CARMIL1: variants seen among roughly 807,000 people sequenced by gnomAD.
CARMIL1 encodes F-actin-uncapping protein LRRC16A.
A neutral mutation model predicts 177.1 loss-of-function variants in CARMIL1; 90 were observed. The observed-to-expected ratio is 0.51, with a 90% confidence interval of 0.43 to 0.61. The LOEUF is 0.61. Ranked by LOEUF, CARMIL1 falls within the 20% of genes least tolerant of loss-of-function variation. The probability of loss-of-function intolerance (pLI) is 0.00; values close to 1 mark genes in which losing one functional copy is unlikely to be tolerated. For synonymous variants in CARMIL1, 577 were observed against 606.2 expected, an observed-to-expected ratio of 0.95 and a Z score of 0.71; for missense variants, 1,380 against 1,667.0, an observed-to-expected ratio of 0.83 and a Z score of 3.00.
intron 24 of CARMIL1, among the ~76,000 whole-genome samples, chr6:25,535,125 A>C (rs952894384): frequency 2.6e-5 from 4 of 152,292 alleles, no homozygotes; most frequent in South Asian, 4.2e-4. Context: ...TACTTTCTAC[A>C]GTAAGGAAGA....
At chr6:25,371,008 C>A (rs761129633) in intron 2 of CARMIL1, among the ~76,000 whole-genome samples, 23 of 152,138 alleles carry the variant, frequency 1.5e-4, no homozygotes, top group Non-Finnish European at 3.1e-4. Flanking sequence ...TAAGTGAGAA[C>A]ATACGGTATT....
intron 2 of CARMIL1, among the ~76,000 whole-genome samples, chr6:25,310,748 G>A (rs539074122): frequency 4.7e-4 from 72 of 152,254 alleles, no homozygotes; most frequent in Middle Eastern, 3.4e-3. Context: ...TTAAAGTTCT[G>A]TGATTTCTAC....
chr6:25,403,914 GAGCT>G (rs1794113222), intron 2 of CARMIL1, among the ~76,000 whole-genome samples: 1 of 152,204 alleles, frequency 6.6e-6, no homozygotes, highest in African/African-American at 2.4e-5. Flanking sequence ...CTTGAAGGCA[GAGCT>G]TTATGTCTTT....
Position 25,509,981 on chromosome 6 carries a change from A to T in CARMIL1, c.1477+244A>T, listed in dbSNP as rs565329054. Among the ~76,000 whole-genome samples, 5 of 152,236 alleles carry T rather than the reference A, an allele frequency of 3.3e-5. No homozygotes were observed. The highest frequency in any genetic ancestry group is 7.4e-5 in the Non-Finnish European group (5 of 68,026). ...GTCTATGCAGTAAAACAACTCAGTT[A>T]TAAAAATATCACCAGTACATTGAAA... On this transcript the variant is annotated intron_variant, in intron 18 of 36. Transcript: ENST00000329474. This position sits in a 1 kb window ranked among gnomAD's most constrained non-coding sequence, Gnocchi z 4.1.
intron 2 of CARMIL1, among the ~76,000 whole-genome samples, chr6:25,403,764 T>G (rs977440892): frequency 6.6e-6 from 1 of 152,166 alleles, no homozygotes; most frequent in Non-Finnish European, 1.5e-5. Flanking sequence ...CCACCACTCC[T>G]CTCCATAACC....
Position 25,465,680 on chromosome 6 carries a change from C to A in CARMIL1, c.615-193C>A, listed in dbSNP as rs1357296469. 4 of 557,798 alleles carry A rather than the reference C, an allele frequency of 7.2e-6. No individual in the cohort carries two copies. In the East Asian group the frequency reaches 8.9e-5, roughly 12 times the overall value. 34.6% of individuals were successfully genotyped at this position (557,798 alleles called of 1,614,324 possible). On this transcript the variant is annotated intron_variant, in intron 8 of 36. Transcript: ENST00000329474. ...AAGTAGGAAACAGAGTCCCTAGAGA[C>A]AATTTACTTCAACTTTTGGGAACTT...
chr6:25,430,533 G>A (rs1027910633), intron 4 of CARMIL1, among the ~76,000 whole-genome samples: 1 of 151,350 alleles, frequency 6.6e-6, no homozygotes, highest in African/African-American at 2.4e-5. Context: ...GGGACCAAGC[G>A]ATCCTCTCAC....
At chr6:25,601,008 C>T (rs1193800680) in intron 33 of CARMIL1, among the ~76,000 whole-genome samples, 1 of 152,034 alleles carries the variant, frequency 6.6e-6, no homozygotes, top group African/African-American at 2.4e-5. Context: ...CCATTTTGTA[C>T]CTCTTTTCAT....
intron 21 of CARMIL1, among the ~76,000 whole-genome samples, chr6:25,517,099 A>G (rs1806075928): frequency 6.6e-6 from 1 of 152,230 alleles, no homozygotes; most frequent in African/African-American, 2.4e-5. Context: ...ATAGTAAGTG[A>G]ACATATGTGC....
In CARMIL1 at chr6:25,390,316, ATATATTTT is replaced by A. The variant is rs1344951046; in HGVS notation, c.139-29796_139-29789del. Among the ~76,000 whole-genome samples, 377 of 42,082 alleles carry A rather than the reference ATATATTTT, an allele frequency of 9.0e-3. 2 individuals carry two copies. Among genetic ancestry groups the A allele is most frequent in the African/African-American group, 0.034 (351 of 10,192 alleles). The allele number at this position is 42,082 out of a possible 152,430, so 27.6% of individuals were successfully genotyped here. The stretch of plus-strand genomic sequence containing the variant: ...TACATATATATATATATATATATAT[ATATATTTT>A]TTTTTTTTTTTTTTTGAGACAGGGT... On this transcript the variant is annotated intron_variant, in intron 2 of 36. Coordinates refer to ENST00000329474, the MANE Select transcript of CARMIL1 (RefSeq NM_017640.6).
chr6:25,344,895 C>T (rs1269790106), intron 2 of CARMIL1, among the ~76,000 whole-genome samples: 1 of 152,324 alleles, frequency 6.6e-6, no homozygotes, highest in East Asian at 1.9e-4. Context: ...CTGATTCCCA[C>T]TGGCATATGA....
At chr6:25,407,856 G>A (rs1219573722) in intron 2 of CARMIL1, among the ~76,000 whole-genome samples, 7 of 152,194 alleles carry the variant, frequency 4.6e-5, no homozygotes, top group Admixed American at 3.9e-4. Flanking sequence ...AACTAGCTAT[G>A]AGTGCTTCTC....
intron 2 of CARMIL1, among the ~76,000 whole-genome samples, chr6:25,404,770 A>AAAAAAT (rs1794213856): frequency 8.0e-6 from 1 of 125,240 alleles, no homozygotes; most frequent in Non-Finnish European, 1.7e-5. Flanking sequence ...AAAAAAAAAA[A>AAAAAAT]AATAGAGGTG....
At chr6:25,557,769 T>C (rs1810761489) in intron 29 of CARMIL1, among the ~76,000 whole-genome samples, 1 of 152,170 alleles carries the variant, frequency 6.6e-6, no homozygotes, top group South Asian at 2.1e-4. Context: ...ATGGCCGATA[T>C]TACTTTTCTA....
rs766451540 is a variant in CARMIL1, at chr6:25,509,632, T to A, written c.1396-24T>A. 1.9e-5 allele frequency: 29 copies of A among 1,536,420 alleles called. No homozygotes were observed. Among genetic ancestry groups the A allele is most frequent in the Non-Finnish European group, 1.5e-5 (17 of 1,119,860 alleles). On this transcript the variant is annotated intron_variant, in intron 17 of 36. Transcript: ENST00000329474. This position sits in a 1 kb window ranked among gnomAD's most constrained non-coding sequence, Gnocchi z 4.1. The stretch of plus-strand genomic sequence containing the variant: ...CTCCAGTAGAGTGAAGACTTTACTT[T>A]GTGTTTGGTTTGTGTTTCTCTAGCT...
chr6:25,429,149 A>G (rs941174978), intron 4 of CARMIL1, among the ~76,000 whole-genome samples: 8 of 152,192 alleles, frequency 5.3e-5, no homozygotes, highest in African/African-American at 1.4e-4. Flanking sequence ...GTTGATAGCA[A>G]TGAGCATCTT....
chr6:25,459,210 T>TTTCTTTCTTTCTTTCTTTC (rs1799794292), intron 8 of CARMIL1, among the ~76,000 whole-genome samples: 12 of 80,178 alleles, frequency 1.5e-4, no homozygotes, highest in Middle Eastern at 7.6e-3. Flanking sequence ...GATCCCAACT[T>TTTCTTTCTTTCTTTCTTTC]TTTCTTTCTT....
At chr6:25,339,721 T>C (rs968467064) in intron 2 of CARMIL1, among the ~76,000 whole-genome samples, 4 of 152,118 alleles carry the variant, frequency 2.6e-5, no homozygotes, top group South Asian at 2.1e-4. Flanking sequence ...GCAGGGATAG[T>C]GGTGTAGATG....
At chr6:25,544,529 A>G (rs1012185700) in intron 26 of CARMIL1, among the ~76,000 whole-genome samples, 4 of 151,864 alleles carry the variant, frequency 2.6e-5, no homozygotes, top group Admixed American at 1.3e-4. Context: ...TATATACCCA[A>G]TGGACCTAGT....
Sources: allele counts gnomAD v4.1 joint callset (sites outside exome capture counted in the v4.1 genomes callset), GRCh38; gene constraint gnomAD v4.1.1; non-coding constraint Gnocchi (gnomAD v3.1); transcripts MANE v1.5; gene names NCBI Gene and HGNC (gene_info 2026-07-23, HGNC 2026-07-21).